ERC2: variants seen among roughly 807,000 people sequenced by gnomAD.
ERC2 encodes ERC protein 2.
A neutral mutation model predicts 114.8 loss-of-function variants in ERC2; 42 were observed. The ratio of observed to expected loss-of-function variants is 0.37; its 90% CI spans 0.29 to 0.47. The LOEUF (loss-of-function observed/expected upper bound fraction) is 0.47. Ranked by LOEUF, ERC2 falls within the 20% of genes least tolerant of loss-of-function variation. ERC2 has a pLI of 0.99. For synonymous variants in ERC2, 454 were observed against 425.5 expected (o/e 1.07, Z -0.82); for missense variants, 939 against 1,150.7 (o/e 0.82, Z 2.66).
chr3:55,526,684 C>A (rs1275269926), intron 17 of ERC2, among the ~76,000 whole-genome samples: 1 of 152,186 alleles, frequency 6.6e-6, no homozygotes, highest in Admixed American at 6.5e-5. Context: ...TGAAGATGAG[C>A]CAGGAGGGAC....
intron 17 of ERC2, among the ~76,000 whole-genome samples, chr3:55,663,847 G>T (rs1019002278): frequency 1.3e-5 from 2 of 152,200 alleles, no homozygotes; most frequent in Non-Finnish European, 2.9e-5. Flanking sequence ...GCCTAGGAAT[G>T]CAAGGAACCC....
At chr3:55,990,906 A>G (rs2071011394) in intron 11 of ERC2, among the ~76,000 whole-genome samples, 2 of 152,198 alleles carry the variant, frequency 1.3e-5, no homozygotes, top group South Asian at 4.1e-4. Context: ...CAGCCTGGGT[A>G]ACACAGTGAG....
intron 13 of ERC2, among the ~76,000 whole-genome samples, chr3:55,890,401 A>G (rs1022984274): frequency 1.3e-5 from 2 of 152,156 alleles, no homozygotes; most frequent in African/African-American, 4.8e-5. Flanking sequence ...TTTATTTCAA[A>G]CATAATATTG....
chr3:55,691,749 A>G (rs2062681670), intron 16 of ERC2, among the ~76,000 whole-genome samples: 1 of 151,718 alleles, frequency 6.6e-6, no homozygotes, highest in Non-Finnish European at 1.5e-5. Context: ...ACTATACTTT[A>G]GTAAGCCCTG....
chr3:55,730,903 A>G (rs1247188144), intron 15 of ERC2, among the ~76,000 whole-genome samples: 1 of 152,200 alleles, frequency 6.6e-6, no homozygotes, highest in Non-Finnish European at 1.5e-5. Flanking sequence ...AGTCTGCCTC[A>G]ACATCTGCAC....
At chr3:55,626,673 G>A (rs1156476694) in intron 17 of ERC2, among the ~76,000 whole-genome samples, 1 of 152,148 alleles carries the variant, frequency 6.6e-6, no homozygotes, top group Non-Finnish European at 1.5e-5. Flanking sequence ...CCAGACACAT[G>A]GTACAGAAGA....
intron 15 of ERC2, among the ~76,000 whole-genome samples, chr3:55,702,100 T>C (rs1004169341): frequency 1.3e-5 from 2 of 152,190 alleles, no homozygotes; most frequent in African/African-American, 4.8e-5. Flanking sequence ...TTGAACTGTA[T>C]CCCATAAAAG....
At chr3:56,459,570 T>C (rs950786923) in intron 1 of ERC2, among the ~76,000 whole-genome samples, 2 of 151,376 alleles carry the variant, frequency 1.3e-5, no homozygotes, top group Admixed American at 6.6e-5. Context: ...CACAGGATAA[T>C]TAAGTGAGCA....
Position 55,950,544 on chromosome 3 carries a change from T to A in ERC2, c.2284A>T (p.Asn762Tyr). 1 of 1,614,056 alleles carries A rather than the reference T, an allele frequency of 6.2e-7. No homozygotes were observed. The highest frequency in any genetic ancestry group is 8.5e-7 in the Non-Finnish European group (1 of 1,179,900). ...TGCTTGAGGTTGGCCACCTTCTTAT[T>A]CTGATCTTTCATATGCCTGAGAAAA... ...SLTLRHMKDQNKKVANLKHNQ... is the reference protein window; with the variant it reads ...SLTLRHMKDQYKKVANLKHNQ... The change falls in exon 13 of 18, where the codon AAT becomes TAT. Residue 762 changes from asparagine (N) to tyrosine (Y), a missense_variant. Physicochemically the swap from Asn to Tyr is moderately radical, Grantham distance 143. Transcript: ENST00000288221.
intron 15 of ERC2, among the ~76,000 whole-genome samples, chr3:55,700,440 T>G (rs2063161697): frequency 1.3e-5 from 2 of 152,202 alleles, no homozygotes; most frequent in South Asian, 4.1e-4. Flanking sequence ...TTATAAACCT[T>G]AATTTCCTCA....
In ERC2 at chr3:55,563,554, A is replaced by G. The variant is rs558958468; in HGVS notation, c.*40-52278T>C. Among the ~76,000 whole-genome samples, 226 of 152,336 alleles carry G rather than the reference A, an allele frequency of 1.5e-3. 2 individuals are homozygous for G. Among genetic ancestry groups the G allele is most frequent in the Non-Finnish European group, 6.0e-4 (41 of 68,030 alleles). On this transcript the variant is annotated intron_variant, in intron 17 of 17. Transcript: ENST00000288221. ...GGTAAGTGCTCCATTTGAGTCTTCCATGAGATCTGATAAGAGAACACTGAG... is the reference window on the plus strand; with the variant it reads ...GGTAAGTGCTCCATTTGAGTCTTCCGTGAGATCTGATAAGAGAACACTGAG...
At chr3:55,786,841 A>G (rs2069540654) in intron 14 of ERC2, among the ~76,000 whole-genome samples, 1 of 152,120 alleles carries the variant, frequency 6.6e-6, no homozygotes, top group African/African-American at 2.4e-5. Context: ...ATCTCCCTCA[A>G]GGTGGTGAGT....
chr3:56,253,388 C>T (rs1398411540), intron 3 of ERC2, among the ~76,000 whole-genome samples: 1 of 152,118 alleles, frequency 6.6e-6, no homozygotes, highest in Admixed American at 6.5e-5. Flanking sequence ...AGAAAACTTA[C>T]TTTTCTTTTT....
At position 55,992,269 on chromosome 3, in the gene ERC2, A is replaced by C; in HGVS notation, c.2062-19T>G. 2 of 1,601,688 alleles carry C rather than the reference A, an allele frequency of 1.2e-6. No individual in the cohort carries two copies. Among genetic ancestry groups the C allele is most frequent in the Non-Finnish European group, 1.7e-6 (2 of 1,171,554 alleles). ...TATGTGCCTTCAACATTACATTTTT[A>C]AAGAATGTAGTTAAGACAACAATTT... On this transcript the variant is annotated intron_variant, in intron 10 of 17. Transcript: ENST00000288221.
chr3:56,412,278 C>G (rs1164597674), intron 2 of ERC2, among the ~76,000 whole-genome samples: 1 of 152,194 alleles, frequency 6.6e-6, no homozygotes, highest in African/African-American at 2.4e-5. Context: ...ACCAACCATG[C>G]CAACACCTTG....
At chr3:55,808,627 T>A (rs536187790) in intron 14 of ERC2, among the ~76,000 whole-genome samples, 3 of 146,294 alleles carry the variant, frequency 2.1e-5, no homozygotes, top group East Asian at 2.0e-4. Flanking sequence ...ATTTCACAGA[T>A]GAAAAAATTT....
chr3:55,765,217 G>C (rs1357433386), intron 14 of ERC2, among the ~76,000 whole-genome samples: 1 of 152,140 alleles, frequency 6.6e-6, no homozygotes, highest in African/African-American at 2.4e-5. Context: ...ATATGTGACT[G>C]TAATATCCTC....
intron 13 of ERC2, among the ~76,000 whole-genome samples, chr3:55,889,117 T>C (rs1026668760): frequency 1.3e-5 from 2 of 152,182 alleles, no homozygotes; most frequent in African/African-American, 2.4e-5. Context: ...TTTCTCACCA[T>C]TGAAGGAAGG....
chr3:56,271,440 A>T (rs1033260701), intron 3 of ERC2, among the ~76,000 whole-genome samples: 1 of 152,206 alleles, frequency 6.6e-6, no homozygotes, highest in Non-Finnish European at 1.5e-5. Context: ...GCTTCCCAGC[A>T]GTGTGAACTT....
Sources: gnomAD v4.1 joint callset for allele counts (sites outside exome capture counted in the v4.1 genomes callset) on GRCh38, gnomAD v4.1.1 for gene constraint, MANE v1.5 for transcripts, NCBI Gene and HGNC (gene_info 2026-07-23, HGNC 2026-07-21) for gene names.